LCORL: variants seen among roughly 807,000 people sequenced by gnomAD.
LCORL encodes ligand dependent nuclear receptor corepressor like.
In LCORL, 41 loss-of-function variants were observed where a neutral mutation model predicts 141.8. That is an observed-to-expected ratio of 0.29 (90% confidence interval 0.23 to 0.38). The LOEUF (loss-of-function observed/expected upper bound fraction) is 0.38, where lower values mean the gene tolerates loss of function less well. Ranked by LOEUF, LCORL falls within the 10% of genes least tolerant of loss-of-function variation. LCORL has a pLI of 1.00. For missense variants in LCORL, 1,759 were observed against 2,035.0 expected (o/e 0.86, Z 2.61); for synonymous variants, 618 against 694.1 (o/e 0.89, Z 1.72).
At chr4:17,939,671 G>A (rs1376142592) in intron 4 of LCORL, among the ~76,000 whole-genome samples, 2 of 151,986 alleles carry the variant, frequency 1.3e-5, no homozygotes, top group African/African-American at 2.4e-5. Context: ...GGAGAACACA[G>A]CAGAAAAAAG....
At chr4:17,905,566 A>G (rs969851884) in intron 5 of LCORL, among the ~76,000 whole-genome samples, 2 of 151,980 alleles carry the variant, frequency 1.3e-5, no homozygotes, top group African/African-American at 4.8e-5. Context: ...GAAACAGTAG[A>G]AAAAAAGGAA....
At chr4:17,949,417 C>A (rs991237540) in intron 4 of LCORL, among the ~76,000 whole-genome samples, 1 of 152,064 alleles carries the variant, frequency 6.6e-6, no homozygotes, top group African/African-American at 2.4e-5. Flanking sequence ...ACTGTAGTTC[C>A]TCTGTATTCT....
At chr4:17,897,246 T>A (rs886520020) in intron 5 of LCORL, among the ~76,000 whole-genome samples, 3 of 132,068 alleles carry the variant, frequency 2.3e-5, no homozygotes, top group Non-Finnish European at 4.7e-5. Context: ...TTTTTTTTTT[T>A]TTTTTAGGGT....
chr4:17,959,130 A>G (rs954800793), intron 4 of LCORL, among the ~76,000 whole-genome samples: 2 of 152,076 alleles, frequency 1.3e-5, no homozygotes, highest in Non-Finnish European at 2.9e-5. Flanking sequence ...TGGCATTCCT[A>G]CAACCTATTT....
rs1039280373 is a variant in LCORL at position 17,897,230 on chromosome 4, T to C, written c.683-11069A>G. Among the ~76,000 whole-genome samples the C allele has an allele frequency of 7.2e-3, 937 of 129,630 alleles. 34 individuals carry two copies. The highest frequency in any genetic ancestry group is 0.022 in the African/African-American group (783 of 35,904). 85.0% of individuals were successfully genotyped at this position (129,630 alleles called of 152,430 possible). On this transcript the variant is annotated intron_variant, in intron 5 of 7. Coordinates refer to ENST00000635767, the Ensembl canonical transcript of LCORL. ...ACTGATTTCTTTTTTTTTTTTTTTT[T>C]TTTTTTTTTTTTTTTTTTTTTAGGG...
At chr4:17,931,634 T>C (rs898923097) in intron 4 of LCORL, among the ~76,000 whole-genome samples, 2 of 152,152 alleles carry the variant, frequency 1.3e-5, no homozygotes, top group Non-Finnish European at 2.9e-5. Context: ...TGTTTTGTTA[T>C]TGATGTCCAT....
chr4:17,998,143 A>G (rs1320528400), intron 1 of LCORL, among the ~76,000 whole-genome samples: 1 of 152,208 alleles, frequency 6.6e-6, no homozygotes, highest in African/African-American at 2.4e-5. Flanking sequence ...AAAATATGGT[A>G]TAAAAGATAC....
At chr4:18,006,170 T>G (rs985661178) in intron 1 of LCORL, among the ~76,000 whole-genome samples, 4 of 152,194 alleles carry the variant, frequency 2.6e-5, no homozygotes, top group Non-Finnish European at 5.9e-5. Context: ...GTTCCACACA[T>G]CTGTATAGCA....
At chr4:17,863,531 T>C (rs1305255970) in intron 7 of LCORL, among the ~76,000 whole-genome samples, 1 of 152,182 alleles carries the variant, frequency 6.6e-6, no homozygotes, top group African/African-American at 2.4e-5. Flanking sequence ...AGGGAATGCT[T>C]ATACACTGCT....
At chr4:17,876,819 G>A in exon 7 of LCORL, 2 of 1,230,682 alleles carry the variant, frequency 1.6e-6, no homozygotes, top group South Asian at 8.2e-5. Context: ...CTCAGGGGAA[G>A]TTGTTTTAAA....
intron 4 of LCORL, among the ~76,000 whole-genome samples, chr4:17,927,930 A>G (rs1735418439): frequency 7.0e-6 from 1 of 143,410 alleles, no homozygotes; most frequent in Non-Finnish European, 1.5e-5. Flanking sequence ...TTCAATTTGT[A>G]AAAAAATGCA....
intron 4 of LCORL, among the ~76,000 whole-genome samples, chr4:17,957,275 T>C (rs1050645008): frequency 2.0e-5 from 3 of 152,070 alleles, no homozygotes; most frequent in East Asian, 1.9e-4. Flanking sequence ...AGGGCAGATA[T>C]AAAGATCTTG....
rs71167343 is a variant in LCORL at position 17,925,878 on chromosome 4, CAAAAAA to C, written c.431-16539_431-16534del. On this transcript the variant is annotated intron_variant, in intron 4 of 7. Transcript: ENST00000635767. ...AGAGTGACAGAGTGAGATTCCATCT[CAAAAAA>C]AAAAAAAAAAAAAAAAAAAAAGAAC... Among the ~76,000 whole-genome samples, 175 of 96,590 alleles carry C rather than the reference CAAAAAA, an allele frequency of 1.8e-3. 2 individuals carry two copies. The highest frequency in any genetic ancestry group is 8.6e-3 in the African/African-American group (159 of 18,576). 63.4% of individuals were successfully genotyped at this position (96,590 alleles called of 152,430 possible). A position where few individuals can be genotyped will look rare whatever the true frequency, so the allele number is the denominator to read the frequency against.
At chr4:17,885,047 T>A (rs914221183) in intron 6 of LCORL, among the ~76,000 whole-genome samples, 1 of 151,970 alleles carries the variant, frequency 6.6e-6, no homozygotes, top group East Asian at 1.9e-4. Context: ...CTCTGATAGA[T>A]GCTTGCAGAG....
At chr4:17,863,678 G>A (rs1370311470) in intron 7 of LCORL, among the ~76,000 whole-genome samples, 2 of 152,052 alleles carry the variant, frequency 1.3e-5, no homozygotes, top group African/African-American at 4.8e-5. Context: ...GATTCTACCA[G>A]AAAAGACACA....
intron 4 of LCORL, among the ~76,000 whole-genome samples, chr4:17,946,934 A>G (rs1226642704): frequency 1.3e-5 from 2 of 152,032 alleles, no homozygotes; most frequent in African/African-American, 4.8e-5. Flanking sequence ...TACAGCCATT[A>G]TGGAAAACTG....
At chr4:17,879,152 C>T (rs923113647) in intron 6 of LCORL, among the ~76,000 whole-genome samples, 17 of 149,188 alleles carry the variant, frequency 1.1e-4, no homozygotes, top group African/African-American at 3.8e-4. Flanking sequence ...TGATTATGAA[C>T]TACTATTGAA....
chr4:17,907,268 T>A (rs946056130), intron 5 of LCORL, among the ~76,000 whole-genome samples: 3 of 152,106 alleles, frequency 2.0e-5, no homozygotes, highest in African/African-American at 7.2e-5. Flanking sequence ...GAACGGGGGG[T>A]AGACAGTGCG....
At chr4:17,956,008 A>G (rs1712547499) in intron 4 of LCORL, among the ~76,000 whole-genome samples, 1 of 152,136 alleles carries the variant, frequency 6.6e-6, no homozygotes. Context: ...CTGAATAGAC[A>G]TTTCGCAAAA....
Sources: gnomAD v4.1 joint callset for allele counts (sites outside exome capture counted in the v4.1 genomes callset) on GRCh38, gnomAD v4.1.1 for gene constraint, MANE v1.5 for transcripts, NCBI Gene and HGNC (gene_info 2026-07-23, HGNC 2026-07-21) for gene names.